PIK3C2G: variants seen among roughly 807,000 people sequenced by gnomAD.
PIK3C2G encodes phosphatidylinositol-4-phosphate 3-kinase catalytic subunit type 2 gamma, also known as phosphatidylinositol 3-kinase C2 domain-containing subunit gamma.
Under a neutral mutation model 181.1 loss-of-function variants are expected in PIK3C2G, and 168 were observed. The ratio of observed to expected loss-of-function variants is 0.93; its 90% CI spans 0.82 to 1.05. The LOEUF is 1.05. Ranked by LOEUF, PIK3C2G falls within the 50% of genes least tolerant of loss-of-function variation. The pLI is 0.00. For synonymous variants in PIK3C2G, 573 were observed against 592.2 expected (o/e 0.97, Z 0.47); for missense variants, 1,869 against 1,732.8 (o/e 1.08, Z -1.40).
chr12:18,275,358 T>G (rs1165925641), intron 1 of PIK3C2G, among the ~76,000 whole-genome samples: 1 of 152,076 alleles, frequency 6.6e-6, no homozygotes, highest in Non-Finnish European at 1.5e-5. Flanking sequence ...TCCTTTTATA[T>G]TCCACATCTT....
chr12:18,451,438 CTT>C (rs1201474197), intron 18 of PIK3C2G, among the ~76,000 whole-genome samples: 2 of 152,184 alleles, frequency 1.3e-5, no homozygotes, highest in African/African-American at 4.8e-5. Context: ...AATCCTGAGA[CTT>C]TGCTGAAGTT....
rs567945480 is a variant in PIK3C2G at position 18,266,545 on chromosome 12, G to C, written c.-79+4968G>C. On this transcript the variant is annotated intron_variant, in intron 1 of 32. Coordinates refer to ENST00000538779, the MANE Select transcript of PIK3C2G (RefSeq NM_001288772.2). ...GAGTTACTATTAGTTCCCTATTATT[G>C]AGTTCTTATTTTGATTAAAATTTTG... 3.0e-4 allele frequency among the ~76,000 whole-genome samples: 46 copies of C among 152,144 alleles called. 1 individual carries two copies. Among genetic ancestry groups the C allele is most frequent in the African/African-American group, 1.1e-3 (45 of 41,512 alleles).
At chr12:18,375,859 G>T (rs973902661) in intron 13 of PIK3C2G, among the ~76,000 whole-genome samples, 4 of 152,214 alleles carry the variant, frequency 2.6e-5, no homozygotes, top group Non-Finnish European at 5.9e-5. Flanking sequence ...AGGGGCGCAG[G>T]TACCGCTTGG....
chr12:18,274,690 T>C (rs967904010), intron 1 of PIK3C2G, among the ~76,000 whole-genome samples: 1 of 152,010 alleles, frequency 6.6e-6, no homozygotes, highest in Non-Finnish European at 1.5e-5. Flanking sequence ...CATTAGGAGA[T>C]ACACCTAATG....
rs1947636737 is a variant in PIK3C2G at position 18,600,314 on chromosome 12, T to C, written c.4087+5745T>C. ...ATTAAAAAAAAATCTTTTGAAGAACTGTTGGATCAAATGGATTACAGAAAA... is the reference window on the plus strand; with the variant it reads ...ATTAAAAAAAAATCTTTTGAAGAACCGTTGGATCAAATGGATTACAGAAAA... On this transcript the variant is annotated intron_variant, in intron 30 of 32. Coordinates refer to ENST00000538779, the MANE Select transcript of PIK3C2G (RefSeq NM_001288772.2). 3.3e-5 allele frequency among the ~76,000 whole-genome samples: 5 copies of C among 152,044 alleles called. No homozygotes were observed. In the South Asian group the frequency reaches 1.0e-3, roughly 31 times the overall value.
intron 11 of PIK3C2G, among the ~76,000 whole-genome samples, chr12:18,357,450 T>G (rs1008520409): frequency 1.3e-5 from 2 of 152,174 alleles, no homozygotes; most frequent in Non-Finnish European, 2.9e-5. Context: ...ATGAATTCAT[T>G]AAATGTTTAA....
intron 31 of PIK3C2G, among the ~76,000 whole-genome samples, chr12:18,636,138 T>G (rs888597382): frequency 6.6e-6 from 1 of 152,058 alleles, no homozygotes; most frequent in Non-Finnish European, 1.5e-5. Flanking sequence ...AGCTGGAGAG[T>G]TGATGTACCC....
At chr12:18,315,209 T>C (rs746898474) in intron 6 of PIK3C2G, among the ~76,000 whole-genome samples, 3 of 152,158 alleles carry the variant, frequency 2.0e-5, no homozygotes, top group Non-Finnish European at 4.4e-5. Flanking sequence ...AACATATCAA[T>C]GTGGAACATA....
chr12:18,436,537 A>C (rs1024824865), intron 18 of PIK3C2G, among the ~76,000 whole-genome samples: 5 of 151,922 alleles, frequency 3.3e-5, no homozygotes, highest in African/African-American at 1.2e-4. Flanking sequence ...GTGAGGACAA[A>C]ACTTAACCAT....
the PIK3C2G span, chr12:18,723,466 T>C: frequency 6.2e-7 from 1 of 1,613,098 alleles, no homozygotes; most frequent in Non-Finnish European, 8.5e-7. Flanking sequence ...AATAATTTCT[T>C]CTCTGTGCGT....
At position 18,420,933 on chromosome 12, in the gene PIK3C2G, T is replaced by G. The variant is rs763981723; in HGVS notation, c.2316-8T>G. 1.7e-5 allele frequency: 25 copies of G among 1,463,090 alleles called. No individual in the cohort carries two copies. The highest frequency in any genetic ancestry group is 2.3e-5 in the Non-Finnish European group (24 of 1,043,370). 90.6% of individuals were successfully genotyped at this position (1,463,090 alleles called of 1,614,324 possible). The stretch of plus-strand genomic sequence containing the variant: ...AACAGCTTAGTGGATATATTTACTG[T>G]GTATTAGTTTTCCAGATCAAGAAAT... On this transcript the variant is annotated splice_polypyrimidine_tract_variant and splice_region_variant and intron_variant, in intron 16 of 32. Transcript: ENST00000538779.
intron 8 of PIK3C2G, among the ~76,000 whole-genome samples, chr12:18,331,577 C>A (rs1937972343): frequency 6.6e-6 from 1 of 151,972 alleles, no homozygotes; most frequent in Non-Finnish European, 1.5e-5. Context: ...CTTAGGATTT[C>A]TACATATACA....
intron 8 of PIK3C2G, among the ~76,000 whole-genome samples, chr12:18,334,340 C>T (rs965490801): frequency 9.9e-5 from 15 of 152,062 alleles, no homozygotes; most frequent in African/African-American, 3.4e-4. Flanking sequence ...GGTGTGCAAC[C>T]ATTTGTTCTC....
intron 18 of PIK3C2G, among the ~76,000 whole-genome samples, chr12:18,471,582 T>A (rs1303654562): frequency 6.6e-6 from 1 of 152,276 alleles, no homozygotes; most frequent in Admixed American, 6.5e-5. Context: ...ACTTCCTTAC[T>A]ACTTATTTCT....
chr12:18,326,733 G>A lies in PIK3C2G; in HGVS notation c.1272+1635G>A, dbSNP rs183468837. Among the ~76,000 whole-genome samples the A allele has an allele frequency of 8.6e-4, 131 of 152,258 alleles. 2 individuals carry two copies. The highest frequency in any genetic ancestry group is 6.6e-3 in the Admixed American group (101 of 15,292). On this transcript the variant is annotated intron_variant, in intron 8 of 32. Transcript: ENST00000538779. ...TTAGTACCTCTAATCAGCCTTGTGA[G>A]AGTCATTCTTTCTCATGTAGAATGT... is the stretch of plus-strand genomic sequence containing the variant.
chr12:18,368,275 A>G (rs1156551160), intron 12 of PIK3C2G, among the ~76,000 whole-genome samples: 4 of 152,242 alleles, frequency 2.6e-5, no homozygotes, highest in Non-Finnish European at 5.9e-5. Flanking sequence ...ATAATTGAAT[A>G]AATGAATATA....
Position 18,563,508 on chromosome 12 carries a change from T to C in PIK3C2G, c.3902+10T>C. On this transcript the variant is annotated intron_variant, in intron 28 of 32. Transcript: ENST00000538779. ...CACTGACTCTCCCAGAGTAAGGCAC[T>C]GTCCTTTTACATTGTTTTGCCTTCA... 1.9e-6 allele frequency: 3 copies of C among 1,613,218 alleles called. No individual in the cohort carries two copies. Among genetic ancestry groups the C allele is most frequent in the Non-Finnish European group, 2.5e-6 (3 of 1,179,534 alleles).
At chr12:18,469,501 A>AC (rs1938240881) in intron 18 of PIK3C2G, among the ~76,000 whole-genome samples, 1 of 152,136 alleles carries the variant, frequency 6.6e-6, no homozygotes, top group South Asian at 2.1e-4. Flanking sequence ...AAATTATCCT[A>AC]TACTTGTAAT....
chr12:18,674,445 T>C, the PIK3C2G span, among the ~76,000 whole-genome samples: 7 of 152,200 alleles, frequency 4.6e-5, no homozygotes, highest in Admixed American at 4.6e-4. Context: ...TCAGCTACTA[T>C]GCCTGGCACG....
Sources: gnomAD v4.1 joint callset for allele counts (sites outside exome capture counted in the v4.1 genomes callset) on GRCh38, gnomAD v4.1.1 for gene constraint, MANE v1.5 for transcripts, NCBI Gene and HGNC (gene_info 2026-07-23, HGNC 2026-07-21) for gene names.